The following SYNPO2 variants were observed in gnomAD, a reference collection of about 807,000 sequenced individuals.
SYNPO2 encodes synaptopodin 2, also known as synaptopodin-2.
A neutral mutation model predicts 85.0 loss-of-function variants in SYNPO2; 56 were observed. The ratio of observed to expected loss-of-function variants is 0.66; its 90% CI spans 0.53 to 0.82. The LOEUF is 0.82. SYNPO2 is among the 40% of genes least tolerant of loss of function. The probability of loss-of-function intolerance (pLI) is 0.00; values close to 1 mark genes in which losing one functional copy is unlikely to be tolerated. For synonymous variants in SYNPO2, 602 were observed against 591.1 expected (o/e 1.02, Z -0.27); for missense variants, 1,575 against 1,534.2 (o/e 1.03, Z -0.44).
intron 4 of SYNPO2, among the ~76,000 whole-genome samples, chr4:119,041,316 C>G (rs1738709339): frequency 6.6e-6 from 1 of 152,110 alleles, no homozygotes; most frequent in African/African-American, 2.4e-5. Flanking sequence ...ACTAAAAACC[C>G]CTTTGTTCTT....
chr4:119,004,911 T>A (rs1307600753), intron 1 of SYNPO2, among the ~76,000 whole-genome samples: 1 of 151,968 alleles, frequency 6.6e-6, no homozygotes, highest in African/African-American at 2.4e-5. Flanking sequence ...TTTTTAATGA[T>A]CACCATTCTA....
In SYNPO2 at chr4:118,916,750, A is replaced by G. The variant is rs1407547241; in HGVS notation, c.105+27609A>G. ...CTTTCTTTTTTTTTTTTTTTTTTCT[A>G]GAAACAGGGTCTTACTCTGTCCCCC... On this transcript the variant is annotated intron_variant, in intron 1 of 4. Transcript: ENST00000307142. Among the ~76,000 whole-genome samples the G allele has an allele frequency of 2.2e-4, 6 of 26,998 alleles. No homozygotes were observed. In the South Asian group the frequency reaches 4.6e-3, roughly 21 times the overall value. The allele number at this position is 26,998 out of a possible 152,430, so 17.7% of individuals were successfully genotyped here.
At chr4:118,876,658 CCTTCCTTTCTCTTTCTTTCTTT>C (rs1201940402) in intron 1 of SYNPO2, among the ~76,000 whole-genome samples, 11 of 148,458 alleles carry the variant, frequency 7.4e-5, no homozygotes, top group Middle Eastern at 3.5e-3. Context: ...TTCCTTCCTT[CCTTCCTTTCTCTTTCTTTCTTT>C]CTTTCTTTCT....
chr4:118,937,743 T>TTA (rs1560886315), intron 1 of SYNPO2, among the ~76,000 whole-genome samples: 1 of 152,176 alleles, frequency 6.6e-6, no homozygotes, highest in Non-Finnish European at 1.5e-5. Flanking sequence ...CCTTGTAAAA[T>TTA]ACTAGAGTGC....
At chr4:118,984,028 T>C (rs1458161570) in intron 1 of SYNPO2, among the ~76,000 whole-genome samples, 4 of 152,162 alleles carry the variant, frequency 2.6e-5, no homozygotes, top group African/African-American at 9.7e-5. Context: ...CTTTTCAGAA[T>C]CCCCCTTCTA....
chr4:119,031,700 C>T lies in SYNPO2; in HGVS notation c.2925C>T (p.Ser975=). 6.2e-7 allele frequency: 1 copy of T among 1,614,174 alleles called. No individual in the cohort carries two copies. Among genetic ancestry groups the T allele is most frequent in the African/African-American group, 1.3e-5 (1 of 75,028 alleles). ...MKHQPYQLNA[S]LFTFQPPDAK... is the part of the protein sequence containing the mutation. Reference sequence around the variant, plus strand: ...ACCAACCGTATCAGCTCAATGCATCCTTGTTTACTTTCCAACCTCCAGATG... The same window carrying T: ...ACCAACCGTATCAGCTCAATGCATCTTTGTTTACTTTCCAACCTCCAGATG... Residue 975 remains serine (S), a synonymous_variant, in exon 4 of 5, where the codon TCC becomes TCT. Coordinates refer to ENST00000307142, the MANE Select transcript of SYNPO2 (RefSeq NM_133477.3).
chr4:119,031,740 C>T lies in SYNPO2; in HGVS notation c.2965C>T (p.Pro989Ser). The T allele has an allele frequency of 6.2e-7, 1 of 1,614,180 alleles. No individual in the cohort carries two copies. Among genetic ancestry groups the T allele is most frequent in the South Asian group, 1.1e-5 (1 of 91,074 alleles). Residue 989 changes from proline (P) to serine (S), a missense_variant, in exon 4 of 5, where the codon CCC becomes TCC. Transcript: ENST00000307142. ...ACCTCCAGATGCAAAGGATGGCCTC[C>T]CCCAGAAGTCATCAGTCAAGGTCAA... ...FQPPDAKDGLPQKSSVKVNSA... is the reference protein window; with the variant it reads ...FQPPDAKDGLSQKSSVKVNSA...
Position 118,878,076 on chromosome 4 carries a change from G to A in SYNPO2, c.12+27136G>A, listed in dbSNP as rs113350484. Among the ~76,000 whole-genome samples the A allele has an allele frequency of 7.7e-3, 1,173 of 152,256 alleles. 15 individuals carry two copies. Among genetic ancestry groups the A allele is most frequent in the African/African-American group, 0.027 (1,114 of 41,564 alleles). ...TTGCAGCAACATGGATGGAGTTGGA[G>A]GCCATTATCCTCAGCAAACCACACA... On this transcript the variant is annotated intron_variant, in intron 1 of 4. Transcript: ENST00000610556.
At chr4:118,959,339 C>T (rs1278799745) in intron 1 of SYNPO2, among the ~76,000 whole-genome samples, 2 of 152,144 alleles carry the variant, frequency 1.3e-5, no homozygotes, top group African/African-American at 2.4e-5. Flanking sequence ...TTCAAATGTT[C>T]GCCCTTTGTA....
Position 119,045,282 on chromosome 4 carries a change from C to T in SYNPO2, c.3253-12119C>T, listed in dbSNP as rs142783187. Among the ~76,000 whole-genome samples, 6 of 152,204 alleles carry T rather than the reference C, an allele frequency of 3.9e-5. No homozygotes were observed. The East Asian group carries it at 1.2e-3, about 29-fold the overall frequency. On this transcript the variant is annotated intron_variant, in intron 4 of 4. Transcript: ENST00000307142. ...TAAGTGCTTACCATGTGCCAGGTACCAACATTTTTCTCTACAAAAACTTCC... is the reference window on the plus strand; with the variant it reads ...TAAGTGCTTACCATGTGCCAGGTACTAACATTTTTCTCTACAAAAACTTCC...
At chr4:118,869,077 A>AT (rs1198387165) in intron 1 of SYNPO2, among the ~76,000 whole-genome samples, 3 of 152,032 alleles carry the variant, frequency 2.0e-5, no homozygotes, top group African/African-American at 7.3e-5. Flanking sequence ...TATTATTATT[A>AT]TTTTTGAGAC....
chr4:119,029,392 C>T (rs1738116442), intron 3 of SYNPO2, among the ~76,000 whole-genome samples: 1 of 152,042 alleles, frequency 6.6e-6, no homozygotes, highest in Admixed American at 6.5e-5. Context: ...GGACGCTCCT[C>T]CCTTTTTAAG....
chr4:118,977,435 C>A (rs1342969082), intron 1 of SYNPO2, among the ~76,000 whole-genome samples: 2 of 152,248 alleles, frequency 1.3e-5, no homozygotes, highest in East Asian at 1.9e-4. Flanking sequence ...CCTCTCCCTC[C>A]ACACCTCCCT....
At chr4:118,979,108 T>C (rs1327505597) in intron 1 of SYNPO2, among the ~76,000 whole-genome samples, 1 of 152,196 alleles carries the variant, frequency 6.6e-6, no homozygotes, top group Non-Finnish European at 1.5e-5. Context: ...CTTTCTGGCT[T>C]GCAGCTCCAT....
At chr4:119,053,907 CA>C in intron 4 of SYNPO2, among the ~76,000 whole-genome samples, 1 of 152,322 alleles carries the variant, frequency 6.6e-6, no homozygotes, top group Admixed American at 6.5e-5. Context: ...TCAGGGGCCT[CA>C]CCGAGATTTC....
chr4:118,889,806 A>G (rs764636497), intron 1 of SYNPO2, among the ~76,000 whole-genome samples: 4 of 152,228 alleles, frequency 2.6e-5, no homozygotes, highest in Non-Finnish European at 5.9e-5. Flanking sequence ...ACTAAGAGGT[A>G]ACTTTGTAAC....
chr4:119,019,513 A>G (rs2149183240), intron 1 of SYNPO2, among the ~76,000 whole-genome samples: 1 of 152,108 alleles, frequency 6.6e-6, no homozygotes, highest in East Asian at 1.9e-4. Context: ...ACATTGAGTC[A>G]TAATATTGTC....
chr4:118,863,913 C>A (rs887791038), intron 1 of SYNPO2, among the ~76,000 whole-genome samples: 6 of 152,158 alleles, frequency 3.9e-5, no homozygotes, highest in African/African-American at 1.2e-4. Flanking sequence ...ATCTTTGCTT[C>A]ATTGATCTTT....
intron 3 of SYNPO2, 25 bp from the exon 4 acceptor site, chr4:119,029,820 A>ATTTTTTTTT: frequency 7.1e-7 from 1 of 1,411,880 alleles, no homozygotes. Context: ...GCTCAATATA[A>ATTTTTTTTT]TTTTTTTTTT....
Sources: allele counts gnomAD v4.1 joint callset (sites outside exome capture counted in the v4.1 genomes callset), GRCh38; gene constraint gnomAD v4.1.1; transcripts MANE v1.5; gene names NCBI Gene and HGNC (gene_info 2026-07-23, HGNC 2026-07-21).